SP3: variants seen among roughly 807,000 people sequenced by gnomAD.
SP3 encodes Sp3 transcription factor, also known as transcription factor Sp3.
SP3 carries 10 observed loss-of-function variants against 70.3 expected under a neutral mutation model. The ratio of observed to expected loss-of-function variants is 0.14; its 90% CI spans 0.09 to 0.24. The LOEUF (loss-of-function observed/expected upper bound fraction) is 0.24, where lower values mean the gene tolerates loss of function less well. Ranked by LOEUF, SP3 falls within the 10% of genes least tolerant of loss-of-function variation. SP3 has a pLI of 1.00. For missense variants in SP3, 825 were observed against 914.6 expected (o/e 0.90, Z 1.26); for synonymous variants, 402 against 333.5 (o/e 1.21, Z -2.24).
At chr2:173,932,167 A>G (rs369029772) in intron 4 of SP3, among the ~76,000 whole-genome samples, 47 of 152,278 alleles carry the variant, frequency 3.1e-4, no homozygotes, top group African/African-American at 1.1e-3. Context: ...CTTAGAGGCT[A>G]CTGTAGGGTT....
chr2:173,922,167 G>C (rs962559158), intron 4 of SP3, among the ~76,000 whole-genome samples: 2 of 152,192 alleles, frequency 1.3e-5, no homozygotes, highest in African/African-American at 4.8e-5. Context: ...TATTGAGGAG[G>C]AGGGGTAGAA....
intron 4 of SP3, among the ~76,000 whole-genome samples, chr2:173,941,524 C>A (rs1443572432): frequency 6.6e-6 from 1 of 152,212 alleles, no homozygotes. Flanking sequence ...GTGGTAAGGT[C>A]ACCTGAGCCC....
At chr2:173,965,431 T>G, upstream of SP3, 1 of 518,632 alleles carries the variant, frequency 1.9e-6, no homozygotes, top group Non-Finnish European at 3.4e-6. Flanking sequence ...GTGCTCTTTG[T>G]CGGCTGTGCT....
chr2:173,942,824 T>C (rs1186419570), intron 4 of SP3, among the ~76,000 whole-genome samples: 1 of 152,220 alleles, frequency 6.6e-6, no homozygotes, highest in Non-Finnish European at 1.5e-5. Flanking sequence ...ACAGGTTCTA[T>C]ATCTGTGGAT....
In SP3 at chr2:173,965,207, C is replaced by T. The variant is rs377033702; in HGVS notation, c.-36G>A. ...GGGCACCTCAGGCGGGGCTCCCCGCCGCCTTACACATGGTGAGGAGCGAAG... is the reference window on the plus strand; with the variant it reads ...GGGCACCTCAGGCGGGGCTCCCCGCTGCCTTACACATGGTGAGGAGCGAAG... On this transcript the variant is annotated 5_prime_UTR_variant, in exon 1 of 7. Coordinates refer to ENST00000310015, the MANE Select transcript of SP3 (RefSeq NM_003111.5). The T allele has an allele frequency of 2.6e-6, 4 of 1,547,054 alleles. No homozygotes were observed. The highest frequency in any genetic ancestry group is 3.5e-6 in the Non-Finnish European group (4 of 1,145,300).
In SP3 at chr2:173,904,737, A is replaced by C. The variant is rs1161204607; in HGVS notation, c.*5204T>G. Among the ~76,000 whole-genome samples, 1 of 152,232 alleles carries C rather than the reference A, an allele frequency of 6.6e-6. No homozygotes were observed. On this transcript the variant is annotated 3_prime_UTR_variant, in exon 7 of 7. Transcript: ENST00000310015. ...AACAGCTCCTCACGGAAGGTGGCAG[A>C]AAGTAATGCTCAGAGAAGGGATGTA... is the stretch of plus-strand genomic sequence containing the variant.
At chr2:173,922,387 G>A (rs1689780983) in intron 4 of SP3, among the ~76,000 whole-genome samples, 2 of 151,872 alleles carry the variant, frequency 1.3e-5, no homozygotes, top group South Asian at 4.2e-4. Context: ...GGGGAGGGGT[G>A]CCAGTCAGGG....
chr2:173,931,219 C>T (rs1690055889), intron 4 of SP3, among the ~76,000 whole-genome samples: 1 of 152,172 alleles, frequency 6.6e-6, no homozygotes, highest in Admixed American at 6.5e-5. Context: ...AAGTCAATTG[C>T]TGCTGACTGA....
chr2:173,910,361 G>A (rs1689444698), intron 6 of SP3, 104 bp from the exon 7 acceptor site: 2 of 821,180 alleles, frequency 2.4e-6, no homozygotes, highest in Non-Finnish European at 3.8e-6. Flanking sequence ...AGGTGAGGAT[G>A]GGAGCAGGGG....
Position 173,900,865 on chromosome 2 carries a change from T to A in SP3, c.*9076A>T. 6.6e-6 allele frequency among the ~76,000 whole-genome samples: 1 copy of A among 152,312 alleles called. No individual in the cohort carries two copies. The highest frequency in any genetic ancestry group is 1.5e-5 in the Non-Finnish European group (1 of 68,012). ...AATTATCATGGATAGAAAGATAACA[T>A]TCTTTCCCCAAATTAATCTATAGAT... On this transcript the variant is annotated 3_prime_UTR_variant, in exon 7 of 7. Transcript: ENST00000310015.
At chr2:173,915,809 G>A (rs545048656) in intron 5 of SP3, 78 of 152,096 alleles carry the variant, frequency 5.1e-4, no homozygotes, top group Admixed American at 2.4e-3. Context: ...GTCTCTGAAA[G>A]CTGGTTCTGC....
intron 4 of SP3, among the ~76,000 whole-genome samples, chr2:173,949,731 G>A (rs1052588799): frequency 6.6e-6 from 1 of 152,146 alleles, no homozygotes; most frequent in Non-Finnish European, 1.5e-5. Context: ...CAGTTAACCT[G>A]CAACTATCCA....
At chr2:173,911,821 T>C (rs1318579750) in intron 6 of SP3, among the ~76,000 whole-genome samples, 1 of 145,468 alleles carries the variant, frequency 6.9e-6, no homozygotes, top group African/African-American at 2.6e-5. Context: ...ACCTTTTTTT[T>C]TTTTTTTTTT....
At chr2:173,939,758 C>A (rs1448663391) in intron 4 of SP3, among the ~76,000 whole-genome samples, 3 of 9,896 alleles carry the variant, frequency 3.0e-4, no homozygotes, top group Non-Finnish European at 6.4e-4. Flanking sequence ...GAGCAAGACT[C>A]CAACTCAAAA....
chr2:173,938,946 A>G (rs1291626939), intron 4 of SP3, among the ~76,000 whole-genome samples: 1 of 152,142 alleles, frequency 6.6e-6, no homozygotes, highest in Non-Finnish European at 1.5e-5. Context: ...TTTTTTTATT[A>G]TCACAACTGC....
At position 173,955,145 on chromosome 2, in the gene SP3, G is replaced by A; in HGVS notation, c.1367C>T (p.Thr456Ile). 6.2e-7 allele frequency: 1 copy of A among 1,614,180 alleles called. No homozygotes were observed. The highest frequency in any genetic ancestry group is 8.5e-7 in the Non-Finnish European group (1 of 1,180,032). ...TTGCCAAGTTACCTGTCCAGAAGGG[G>A]TCACTGTCTGTGCCTGAATTAAAAA... ...GTFLIQAQTV[T>I]PSGQVTWQTF... The change falls in exon 4 of 7, where the codon ACC (threonine) becomes ATC (isoleucine). Residue 456 changes from threonine to isoleucine, a missense_variant. Coordinates refer to ENST00000310015, the MANE Select transcript of SP3 (RefSeq NM_003111.5).
chr2:173,942,322 T>C (rs1170087284), intron 4 of SP3, among the ~76,000 whole-genome samples: 1 of 152,158 alleles, frequency 6.6e-6, no homozygotes. Context: ...TCCCAGCACT[T>C]TGGGAGGCCG....
In SP3 at chr2:173,918,799, A is replaced by AAAAC. The variant is rs1234703366; in HGVS notation, c.1640-18_1640-15dup. On this transcript the variant is annotated splice_polypyrimidine_tract_variant and intron_variant, in intron 4 of 6. Coordinates refer to ENST00000310015, the MANE Select transcript of SP3 (RefSeq NM_003111.5). The stretch of plus-strand genomic sequence containing the variant: ...TGATCCTAATATCTAAAGGGAAAAA[A>AAAAC]AAACCAAATACAGATGAGAAGCAAC... 6.3e-7 allele frequency: 1 copy of AAAAC among 1,595,732 alleles called. No homozygotes were observed.
At chr2:173,936,762 C>A (rs1031744444) in intron 4 of SP3, among the ~76,000 whole-genome samples, 12 of 151,912 alleles carry the variant, frequency 7.9e-5, no homozygotes, top group African/African-American at 2.7e-4. Context: ...TCTTACGAAC[C>A]ATTTTTGGAG....
Sources: allele counts gnomAD v4.1 joint callset (sites outside exome capture counted in the v4.1 genomes callset), GRCh38; gene constraint gnomAD v4.1.1; transcripts MANE v1.5; gene names NCBI Gene and HGNC (gene_info 2026-07-23, HGNC 2026-07-21).